WNT11: variants seen among roughly 807,000 people sequenced by gnomAD.
WNT11 encodes the protein protein Wnt-11.
A neutral mutation model predicts 35.6 loss-of-function variants in WNT11; 20 were observed. The ratio of observed to expected loss-of-function variants is 0.56; its 90% confidence interval spans 0.40 to 0.82. The LOEUF (loss-of-function observed/expected upper bound fraction) is 0.82, where lower values mean the gene tolerates loss of function less well. Ranked by LOEUF, WNT11 falls within the 40% of genes least tolerant of loss-of-function variation. The pLI is 0.00. For synonymous variants in WNT11, 200 were observed against 211.9 expected (o/e 0.94, Z 0.49); for missense variants, 459 against 504.4 (o/e 0.91, Z 0.86).
At chr11:76,204,919 G>A (rs1032156129) in intron 1 of WNT11, among the ~76,000 whole-genome samples, 2 of 152,118 alleles carry the variant, frequency 1.3e-5, no homozygotes, top group African/African-American at 2.4e-5. Flanking sequence ...TCCTTCCCTG[G>A]ACCTTAGTAT....
At chr11:76,192,231 G>T (rs1953197034) in intron 3 of WNT11, among the ~76,000 whole-genome samples, 1 of 152,186 alleles carries the variant, frequency 6.6e-6, no homozygotes, top group Non-Finnish European at 1.5e-5. Flanking sequence ...CATGCCCAAG[G>T]GTGCAGATAG....
At chr11:76,209,430 C>T (rs1953525990), upstream of WNT11, among the ~76,000 whole-genome samples, 1 of 152,206 alleles carries the variant, frequency 6.6e-6, no homozygotes, top group Admixed American at 6.5e-5. Flanking sequence ...CCCCCTACCC[C>T]GACGCCCCAC....
intron 3 of WNT11, among the ~76,000 whole-genome samples, chr11:76,192,504 G>A (rs1347915946): frequency 1.3e-5 from 2 of 152,248 alleles, no homozygotes; most frequent in Non-Finnish European, 2.9e-5. Context: ...GCCACTCAGG[G>A]CCTCTGTCTT....
chr11:76,193,121 C>T (rs961740268), intron 3 of WNT11, among the ~76,000 whole-genome samples: 32 of 152,320 alleles, frequency 2.1e-4, no homozygotes, highest in South Asian at 6.2e-4. Context: ...TGCAGGGCAC[C>T]GAGGCACTGG....
At chr11:76,190,879 A>G (rs1468110528) in intron 4 of WNT11, 1 of 152,234 alleles carries the variant, frequency 6.6e-6, no homozygotes, top group Non-Finnish European at 1.5e-5. Flanking sequence ...CTGCTTGTGC[A>G]GTCCTCACCA....
chr11:76,187,056 G>T lies in WNT11; in HGVS notation c.*9C>A. 1 of 1,608,718 alleles carries T rather than the reference G, an allele frequency of 6.2e-7. No individual in the cohort carries two copies. The highest frequency in any genetic ancestry group is 1.1e-5 in the South Asian group (1 of 91,064). On this transcript the variant is annotated 3_prime_UTR_variant, in exon 5 of 5. Coordinates refer to ENST00000322563, the MANE Select transcript of WNT11 (RefSeq NM_004626.3). ...GTCCTCGCTCCTGCGTGGGGCGGAG[G>T]GCAGGGCCTCACTTGCAGACATAGC...
upstream of WNT11, chr11:76,210,383 G>A: frequency 1.0e-6 from 1 of 972,506 alleles, no homozygotes; most frequent in Non-Finnish European, 1.2e-6. Flanking sequence ...TGGCGGGTGC[G>A]AGAAGCGTCG....
chr11:76,187,489 G>T (rs1041285558), intron 4 of WNT11, among the ~76,000 whole-genome samples: 5 of 152,042 alleles, frequency 3.3e-5, no homozygotes, highest in African/African-American at 9.7e-5. Flanking sequence ...TTGAGATGGG[G>T]TCTCACTCTG....
At chr11:76,204,409 T>C (rs557065855) in intron 1 of WNT11, among the ~76,000 whole-genome samples, 1 of 152,332 alleles carries the variant, frequency 6.6e-6, no homozygotes, top group African/African-American at 2.4e-5. Flanking sequence ...TCTCCCCGCA[T>C]GCGCTGTTCG....
intron 3 of WNT11, among the ~76,000 whole-genome samples, chr11:76,193,707 G>A (rs941888236): frequency 1.3e-5 from 2 of 152,342 alleles, no homozygotes; most frequent in Middle Eastern, 3.4e-3. Context: ...CTATTGTGCC[G>A]TGGGGCTGAG....
chr11:76,188,217 T>A (rs573001818), intron 4 of WNT11, among the ~76,000 whole-genome samples: 14 of 152,346 alleles, frequency 9.2e-5, no homozygotes, highest in African/African-American at 2.9e-4. Context: ...CTTATCTTAG[T>A]GGAGGCCTGT....
rs141438138 is a variant in WNT11, at chr11:76,196,620, C to T, written c.182G>A (p.Ser61Asn). The part of the protein sequence containing the change: ...LVSAQVQLCR[S>N]NLELMHTVVH... ...CACCGTGTGCATGAGCTCCAGGTTGCTGCGGCACAGCTGCACCTGTGCAGA... is the reference window on the plus strand; with the variant it reads ...CACCGTGTGCATGAGCTCCAGGTTGTTGCGGCACAGCTGCACCTGTGCAGA... Residue 61 changes from serine (S) to asparagine (N), a missense_variant, in exon 2 of 5, where the codon AGC becomes AAC. Transcript: ENST00000322563. The T allele has an allele frequency of 2.4e-5, 39 of 1,613,714 alleles. No homozygotes were observed. The African/African-American group carries it at 4.4e-4, about 18-fold the overall frequency.
intron 2 of WNT11, among the ~76,000 whole-genome samples, chr11:76,196,236 T>TC (rs1953283656): frequency 6.6e-6 from 1 of 152,190 alleles, no homozygotes; most frequent in African/African-American, 2.4e-5. Flanking sequence ...CTGTCCAGGC[T>TC]CCCCTGTGAT....
upstream of WNT11, chr11:76,210,335 T>G: frequency 1.4e-6 from 1 of 719,580 alleles, no homozygotes; most frequent in Non-Finnish European, 1.7e-6. Context: ...GAGGAGCGCT[T>G]GGTTTGCTTA....
Position 76,191,597 on chromosome 11 carries a change from T to G in WNT11, c.857A>C (p.Asn286Thr). Residue 286 changes from asparagine to threonine, a missense_variant, in exon 4 of 5, where the codon AAT becomes ACT. Asn to Thr is a moderately conservative substitution (Grantham distance 65). Transcript: ENST00000322563. ...LQSSPDFCMK[N>T]EKVGSHGTQD... ...TGTCCCGTGGGAGCCCACCTTCTCA[T>G]TCTTCATGCAGAAGTCAGGTGAGCT... 2.5e-6 allele frequency: 4 copies of G among 1,612,482 alleles called. No homozygotes were observed. Among genetic ancestry groups the G allele is most frequent in the Non-Finnish European group, 3.4e-6 (4 of 1,178,742 alleles).
intron 1 of WNT11, 25 bp downstream of exon 1, chr11:76,206,300 G>A (rs1293150813): frequency 6.6e-7 from 1 of 1,511,032 alleles, no homozygotes. Flanking sequence ...TGGCCTGTGC[G>A]CGTGGACGCG....
intron 1 of WNT11, among the ~76,000 whole-genome samples, chr11:76,197,698 G>A (rs1344321660): frequency 6.6e-6 from 1 of 152,130 alleles, no homozygotes; most frequent in Admixed American, 6.5e-5. Context: ...TTAGCCTGGT[G>A]GGTCCCTATG....
chr11:76,191,603 A>C lies in WNT11; in HGVS notation c.851T>G (p.Met284Arg). Residue 284 changes from methionine to arginine, a missense_variant, in exon 4 of 5, where the codon ATG becomes AGG. Coordinates refer to ENST00000322563, the MANE Select transcript of WNT11 (RefSeq NM_004626.3). ...GTGGGAGCCCACCTTCTCATTCTTCATGCAGAAGTCAGGTGAGCTCTGCAG... is the reference window on the plus strand; with the variant it reads ...GTGGGAGCCCACCTTCTCATTCTTCCTGCAGAAGTCAGGTGAGCTCTGCAG... ...VYLQSSPDFCMKNEKVGSHGT... is the reference protein window; with the variant it reads ...VYLQSSPDFCRKNEKVGSHGT... 6.2e-7 allele frequency: 1 copy of C among 1,612,900 alleles called. No homozygotes were observed. The highest frequency in any genetic ancestry group is 1.1e-5 in the South Asian group (1 of 91,080).
rs1182493309 is a variant in WNT11 at position 76,202,029 on chromosome 11, C to CT, written c.83+4295dup. ...AGACCTGGCAGCCAGGTTCAGGCTC[C>CT]TTTAAGTGACCTGGGCCCCAAGTTC... On this transcript the variant is annotated intron_variant, in intron 1 of 4. Transcript: ENST00000322563. Among the ~76,000 whole-genome samples, 41 of 152,184 alleles carry CT rather than the reference C, an allele frequency of 2.7e-4. 1 individual carries two copies. Among genetic ancestry groups the CT allele is most frequent in the Admixed American group, 2.7e-3 (41 of 15,282 alleles).
Sources: gnomAD v4.1 joint callset for allele counts (sites outside exome capture counted in the v4.1 genomes callset) on GRCh38, gnomAD v4.1.1 for gene constraint, MANE v1.5 for transcripts, NCBI Gene and HGNC (gene_info 2026-07-23, HGNC 2026-07-21) for gene names.